ACAD11: variants seen among roughly 807,000 people sequenced by gnomAD.
ACAD11 encodes the protein acyl-CoA dehydrogenase family member 11.
A neutral mutation model predicts 102.2 loss-of-function variants in ACAD11; 83 were observed. That is an observed-to-expected ratio of 0.81 (90% CI 0.68 to 0.97). ACAD11 has a LOEUF of 0.97. Ranked by LOEUF, ACAD11 falls within the 50% of genes least tolerant of loss-of-function variation. ACAD11 has a pLI of 0.00. For missense variants in ACAD11, 901 were observed against 951.7 expected, an observed-to-expected ratio of 0.95 and a Z score of 0.70; for synonymous variants, 324 against 319.8, an observed-to-expected ratio of 1.01 and a Z score of -0.14.
At chr3:132,619,121 T>C (rs559286680) in intron 10 of ACAD11, among the ~76,000 whole-genome samples, 4 of 152,338 alleles carry the variant, frequency 2.6e-5, no homozygotes. Context: ...ATTTCTTACA[T>C]GAATTGATGT....
chr3:132,595,896 TA>T (rs1427804122), intron 13 of ACAD11, among the ~76,000 whole-genome samples: 1 of 152,090 alleles, frequency 6.6e-6, no homozygotes, highest in Non-Finnish European at 1.5e-5. Context: ...AAGACAGAAA[TA>T]TCATTCGAGC....
At chr3:132,638,030 C>G (rs1163574096) in intron 5 of ACAD11, among the ~76,000 whole-genome samples, 1 of 152,094 alleles carries the variant, frequency 6.6e-6, no homozygotes, top group Admixed American at 6.6e-5. Context: ...GAAGCATTTA[C>G]TTATACCCTA....
intron 11 of ACAD11, among the ~76,000 whole-genome samples, chr3:132,617,138 A>T (rs1324832298): frequency 6.6e-6 from 1 of 152,118 alleles, no homozygotes; most frequent in Non-Finnish European, 1.5e-5. Flanking sequence ...CTGCCATTGG[A>T]TATTGTCCCA....
chr3:132,652,083 A>T (rs967721117), intron 1 of ACAD11, among the ~76,000 whole-genome samples: 2 of 152,120 alleles, frequency 1.3e-5, no homozygotes, highest in East Asian at 3.8e-4. Context: ...GTCCCCACCC[A>T]AATCTTATCT....
At chr3:132,560,605 C>G (rs536225895) in intron 18 of ACAD11, among the ~76,000 whole-genome samples, 1 of 151,956 alleles carries the variant, frequency 6.6e-6, no homozygotes, top group Non-Finnish European at 1.5e-5. Flanking sequence ...CAGGGTCTCA[C>G]TATGTTGCCC....
chr3:132,643,876 G>A (rs978409564), intron 2 of ACAD11, among the ~76,000 whole-genome samples: 2 of 152,106 alleles, frequency 1.3e-5, no homozygotes, highest in Admixed American at 1.3e-4. Context: ...CTGTACTTGG[G>A]CTGAGAGCAT....
chr3:132,568,296 CTTA>C (rs1228838830), intron 17 of ACAD11, among the ~76,000 whole-genome samples: 2 of 152,064 alleles, frequency 1.3e-5, no homozygotes, highest in African/African-American at 2.4e-5. Flanking sequence ...AAACACAATA[CTTA>C]TTATAATTGC....
chr3:132,606,472 C>T lies in ACAD11; in HGVS notation c.1415-1267G>A, dbSNP rs116828116. Among the ~76,000 whole-genome samples, 928 of 151,964 alleles carry T rather than the reference C, an allele frequency of 6.1e-3. 9 individuals are homozygous for T. Among genetic ancestry groups the T allele is most frequent in the African/African-American group, 0.021 (878 of 41,458 alleles). ...ATTTCCAAAAATTATCAGTTTCTTC[C>T]GAAAAGCTCACAAAGTTATCATTTA... On this transcript the variant is annotated intron_variant, in intron 11 of 19. Transcript: ENST00000264990.
intron 1 of ACAD11, among the ~76,000 whole-genome samples, chr3:132,658,046 G>A (rs1366771003): frequency 6.6e-6 from 1 of 151,960 alleles, no homozygotes; most frequent in Non-Finnish European, 1.5e-5. Context: ...ATCTTTAGTA[G>A]AGATGGGGGT....
rs200338394 is a variant in ACAD11, at chr3:132,558,909, G to A, written c.*62C>T. The A allele has an allele frequency of 2.1e-5, 25 of 1,190,656 alleles. No homozygotes were observed. Among genetic ancestry groups the A allele is most frequent in the African/African-American group, 3.0e-5 (2 of 65,630 alleles). 73.8% of individuals were successfully genotyped at this position (1,190,656 alleles called of 1,614,324 possible). A position where few individuals can be genotyped will look rare whatever the true frequency, so the allele number is the denominator to read the frequency against. ...ACAAAAATATGAGATTCAAATGTTG[G>A]AGCCAATGAAGTTTGTATAAAGGAG... On this transcript the variant is annotated 3_prime_UTR_variant, in exon 20 of 20. Coordinates refer to ENST00000264990, the MANE Select transcript of ACAD11 (RefSeq NM_032169.5).
At chr3:132,658,303 C>CAT (rs1327661757) in intron 1 of ACAD11, among the ~76,000 whole-genome samples, 2 of 152,028 alleles carry the variant, frequency 1.3e-5, no homozygotes, top group African/African-American at 4.8e-5. Flanking sequence ...TCCAGAGTTC[C>CAT]ATATATATTT....
At chr3:132,610,470 C>A (rs184930083) in intron 11 of ACAD11, among the ~76,000 whole-genome samples, 1 of 151,852 alleles carries the variant, frequency 6.6e-6, no homozygotes, top group Non-Finnish European at 1.5e-5. Context: ...ATTGATAGAC[C>A]GCTAGCAAGA....
intron 11 of ACAD11, chr3:132,618,432 G>T: frequency 1.9e-6 from 1 of 521,970 alleles, no homozygotes; most frequent in Non-Finnish European, 3.2e-6. Flanking sequence ...ACTCTTAATT[G>T]TAATGATATT....
chr3:132,560,810 GT>G (rs1167173182), intron 18 of ACAD11, among the ~76,000 whole-genome samples: 2 of 152,098 alleles, frequency 1.3e-5, no homozygotes, highest in Admixed American at 1.3e-4. Flanking sequence ...CTAGAAGAAA[GT>G]GGCAGAGTGG....
chr3:132,641,729 G>A (rs1425832757), intron 4 of ACAD11, among the ~76,000 whole-genome samples: 8 of 148,984 alleles, frequency 5.4e-5, no homozygotes, highest in Non-Finnish European at 8.9e-5. Context: ...AGAAGAAGAA[G>A]AAAAAACTGT....
chr3:132,620,349 A>C (rs754816993), intron 9 of ACAD11: 15 of 152,362 alleles, frequency 9.8e-5, no homozygotes, highest in African/African-American at 3.1e-4. Flanking sequence ...TTAAGTTTAC[A>C]GTGTTTCTGG....
At chr3:132,600,285 C>T in intron 13 of ACAD11, 2 of 972,434 alleles carry the variant, frequency 2.1e-6, no homozygotes, top group Non-Finnish European at 3.0e-6. Flanking sequence ...TATGTTACAG[C>T]AACAGGCTAT....
intron 1 of ACAD11, among the ~76,000 whole-genome samples, chr3:132,655,633 C>T (rs73002041): frequency 0.035 from 5,318 of 152,292 alleles, 158 homozygotes; most frequent in African/African-American, 0.074. Context: ...CTTCCTGCCC[C>T]ACACCCAAAC....
At chr3:132,639,374 G>A in intron 5 of ACAD11, 118 bp downstream of exon 5, 1 of 982,352 alleles carries the variant, frequency 1.0e-6, no homozygotes. Flanking sequence ...CGACAGTCCT[G>A]AGCTGTAGGG....
Sources: allele counts gnomAD v4.1 joint callset (sites outside exome capture counted in the v4.1 genomes callset), GRCh38; gene constraint gnomAD v4.1.1; transcripts MANE v1.5; gene names NCBI Gene and HGNC (gene_info 2026-07-23, HGNC 2026-07-21).